The following MAPKAPK2 variants were observed in gnomAD, a reference collection of about 807,000 sequenced individuals.
MAPKAPK2 encodes MAP kinase-activated protein kinase 2.
MAPKAPK2 carries 9 observed loss-of-function variants against 48.8 expected under a neutral mutation model. That is an observed-to-expected ratio of 0.18 (90% CI 0.11 to 0.32). MAPKAPK2 has a LOEUF of 0.32. Ranked by LOEUF, MAPKAPK2 falls within the 10% of genes least tolerant of loss-of-function variation. MAPKAPK2 has a pLI of 1.00. For missense variants in MAPKAPK2, 331 were observed against 498.3 expected, an observed-to-expected ratio of 0.66 and a Z score of 3.20; for synonymous variants, 202 against 190.6, an observed-to-expected ratio of 1.06 and a Z score of -0.49.
At chr1:206,691,502 T>TATATATATATAC (rs1553426248) in intron 1 of MAPKAPK2, among the ~76,000 whole-genome samples, 24 of 132,464 alleles carry the variant, frequency 1.8e-4, no homozygotes, top group African/African-American at 4.7e-4. Context: ...TATATATATA[T>TATATATATATAC]ATACACACAT....
At position 206,732,545 on chromosome 1, in the gene MAPKAPK2, G is replaced by C. The variant is rs782277040; in HGVS notation, c.1060-30G>C. The C allele has an allele frequency of 2.8e-5, 45 of 1,612,356 alleles. No homozygotes were observed. Among genetic ancestry groups the C allele is most frequent in the Non-Finnish European group, 3.6e-5 (42 of 1,179,448 alleles). Reference sequence around the variant, plus strand: ...TCCTACCTGTCTTCTGGCTCTCTCTGTACCCTTCCTGGTGCTGCCGTGCCC... The same window carrying C: ...TCCTACCTGTCTTCTGGCTCTCTCTCTACCCTTCCTGGTGCTGCCGTGCCC... On this transcript the variant is annotated intron_variant, in intron 9 of 9. Coordinates refer to ENST00000367103, the MANE Select transcript of MAPKAPK2 (RefSeq NM_032960.4). This position sits in a 1 kb window ranked among gnomAD's most constrained non-coding sequence, Gnocchi z 4.4.
chr1:206,729,206 C>T (rs1673816113), intron 3 of MAPKAPK2, 107 bp downstream of exon 3: 1 of 1,277,308 alleles, frequency 7.8e-7, no homozygotes, highest in Admixed American at 1.7e-5. Flanking sequence ...AGGCTGCTGC[C>T]CCCTCCAGCA....
At position 206,732,095 on chromosome 1, in the gene MAPKAPK2, G is replaced by A. The variant is rs1673934455; in HGVS notation, c.1059+176G>A. ...CACTTGGCTGACCAGGTTGTGAGCAGAGGATTCTGTGTTCCTGTCCAAACT... is the reference window on the plus strand; with the variant it reads ...CACTTGGCTGACCAGGTTGTGAGCAAAGGATTCTGTGTTCCTGTCCAAACT... On this transcript the variant is annotated intron_variant, in intron 9 of 9. Coordinates refer to ENST00000367103, the MANE Select transcript of MAPKAPK2 (RefSeq NM_032960.4). The surrounding 1 kb of genome is among the most constrained non-coding windows in gnomAD (Gnocchi z 4.4). 1 of 1,614,220 alleles carries A rather than the reference G, an allele frequency of 6.2e-7. No individual in the cohort carries two copies. The highest frequency in any genetic ancestry group is 8.5e-7 in the Non-Finnish European group (1 of 1,180,036).
chr1:206,707,866 A>AT (rs1200820198), intron 1 of MAPKAPK2, among the ~76,000 whole-genome samples: 9 of 152,164 alleles, frequency 5.9e-5, no homozygotes, highest in Admixed American at 1.3e-4. Context: ...GACTTCTTGC[A>AT]TTTTGCCTAT....
In MAPKAPK2 at chr1:206,732,279, C is replaced by G. The variant is rs1304969374; in HGVS notation, c.1060-296C>G. On this transcript the variant is annotated intron_variant, in intron 9 of 9. Coordinates refer to ENST00000367103, the MANE Select transcript of MAPKAPK2 (RefSeq NM_032960.4). The surrounding 1 kb of genome is among the most constrained non-coding windows in gnomAD (Gnocchi z 4.4). ...CAGCTGGTGACTGGTTGGGGCAGAC[C>G]GGACCCAGGTTTCCTGACTCCTGGC... 2.1e-6 allele frequency: 3 copies of G among 1,450,786 alleles called. No individual in the cohort carries two copies. Among genetic ancestry groups the G allele is most frequent in the African/African-American group, 2.9e-5 (2 of 69,966 alleles). 89.9% of individuals were successfully genotyped at this position (1,450,786 alleles called of 1,614,324 possible).
At chr1:206,701,521 A>C (rs1672793375) in intron 1 of MAPKAPK2, among the ~76,000 whole-genome samples, 1 of 152,120 alleles carries the variant, frequency 6.6e-6, no homozygotes, top group African/African-American at 2.4e-5. Flanking sequence ...ATTCATTTAG[A>C]AAAGGATCTT....
chr1:206,711,861 G>A (rs1273945862), intron 1 of MAPKAPK2, among the ~76,000 whole-genome samples: 3 of 152,048 alleles, frequency 2.0e-5, no homozygotes, highest in African/African-American at 4.8e-5. Context: ...GGGCTCAAGT[G>A]ATCCATCTGC....
At chr1:206,694,901 T>C (rs1672568041) in intron 1 of MAPKAPK2, among the ~76,000 whole-genome samples, 1 of 152,210 alleles carries the variant, frequency 6.6e-6, no homozygotes, top group Non-Finnish European at 1.5e-5. Flanking sequence ...TGAGCATATG[T>C]AGTAACCTGC....
At chr1:206,729,193 C>A in intron 3 of MAPKAPK2, 94 bp downstream of exon 3, 1 of 1,337,250 alleles carries the variant, frequency 7.5e-7, no homozygotes, top group Non-Finnish European at 1.1e-6. Context: ...GGGAAGGGTG[C>A]TGAGGCTGCT....
chr1:206,719,952 C>T (rs782367520), intron 1 of MAPKAPK2, among the ~76,000 whole-genome samples: 9 of 152,172 alleles, frequency 5.9e-5, no homozygotes, highest in East Asian at 3.9e-4. Context: ...GTGGCGGTCA[C>T]GGGGCTTATT....
At chr1:206,705,455 T>C (rs2102390758) in intron 1 of MAPKAPK2, among the ~76,000 whole-genome samples, 1 of 152,330 alleles carries the variant, frequency 6.6e-6, no homozygotes, top group Non-Finnish European at 1.5e-5. Flanking sequence ...CGAGAGTGCC[T>C]GGGTATTGGA....
At chr1:206,700,945 G>C (rs1389936677) in intron 1 of MAPKAPK2, among the ~76,000 whole-genome samples, 6 of 152,232 alleles carry the variant, frequency 3.9e-5, no homozygotes, top group African/African-American at 1.4e-4. Flanking sequence ...TGTTAATTAC[G>C]TTTCTGGGCA....
At chr1:206,729,301 C>A in intron 3 of MAPKAPK2, 95 bp from the exon 4 acceptor site, 1 of 1,169,650 alleles carries the variant, frequency 8.5e-7, no homozygotes. Flanking sequence ...GAGCCTCAGG[C>A]TGCACAGAGG....
intron 5 of MAPKAPK2, 68 bp downstream of exon 5, chr1:206,730,166 A>G (rs753575194): frequency 7.5e-5 from 120 of 1,592,278 alleles, no homozygotes; most frequent in Non-Finnish European, 1.0e-4. Context: ...CCTCTTGGCT[A>G]TCTGGGGGGC....
At chr1:206,716,674 T>C (rs1553430443) in intron 1 of MAPKAPK2, among the ~76,000 whole-genome samples, 1 of 152,184 alleles carries the variant, frequency 6.6e-6, no homozygotes, top group Admixed American at 6.5e-5. Flanking sequence ...ATTTTAGATT[T>C]GCTTTGGCAG....
rs574493462 is a variant in MAPKAPK2, at chr1:206,731,017, T to C, written c.768-121T>C. The C allele has an allele frequency of 4.5e-5, 62 of 1,377,170 alleles. No individual in the cohort carries two copies. The African/African-American group carries it at 8.3e-4, about 18-fold the overall frequency. The allele number at this position is 1,377,170 out of a possible 1,614,324, so 85.3% of individuals were successfully genotyped here. A position where few individuals can be genotyped will look rare whatever the true frequency, so the allele number is the denominator to read the frequency against. ...ACTTTGTATATTGTGCCTGTGTCAA[T>C]AAGCCCTGATTTCTCTGTGACCTTT... On this transcript the variant is annotated intron_variant, in intron 6 of 9. Transcript: ENST00000367103. The surrounding 1 kb of genome is among the most constrained non-coding windows in gnomAD (Gnocchi z 5.9).
intron 1 of MAPKAPK2, among the ~76,000 whole-genome samples, chr1:206,718,092 A>T (rs946582086): frequency 6.6e-6 from 1 of 152,204 alleles, no homozygotes; most frequent in Non-Finnish European, 1.5e-5. Context: ...TTGAAAATTT[A>T]AAAAATATGC....
At position 206,728,857 on chromosome 1, in the gene MAPKAPK2, G is replaced by A; in HGVS notation, c.419+8G>A. ...GCTGATTGTCATGGAATGGTAAGCA[G>A]CCACTGTTCTAGTCCCGGCCCAGCC... On this transcript the variant is annotated splice_region_variant and intron_variant, in intron 2 of 9. Transcript: ENST00000367103. 1 of 1,613,996 alleles carries A rather than the reference G, an allele frequency of 6.2e-7. No homozygotes were observed.
intron 1 of MAPKAPK2, among the ~76,000 whole-genome samples, chr1:206,721,667 G>A (rs1673521759): frequency 6.6e-6 from 1 of 152,156 alleles, no homozygotes; most frequent in African/African-American, 2.4e-5. Flanking sequence ...AGGGACAACT[G>A]GCCAAAAGGT....
Sources: allele counts gnomAD v4.1 joint callset (sites outside exome capture counted in the v4.1 genomes callset), GRCh38; gene constraint gnomAD v4.1.1; non-coding constraint Gnocchi (gnomAD v3.1); transcripts MANE v1.5; gene names NCBI Gene and HGNC (gene_info 2026-07-23, HGNC 2026-07-21).